SLC4A4: variants seen among roughly 807,000 people sequenced by gnomAD.
The protein encoded by SLC4A4 is electrogenic sodium bicarbonate cotransporter 1.
A neutral mutation model predicts 111.5 loss-of-function variants in SLC4A4; 27 were observed. The ratio of observed to expected loss-of-function variants is 0.24; its 90% confidence interval spans 0.18 to 0.33. The LOEUF is 0.33. Among genes scored for constraint, SLC4A4 ranks in the 10% least tolerant of loss-of-function variants. The pLI, the probability that SLC4A4 is intolerant of heterozygous loss-of-function variation, is 1.00. For synonymous variants in SLC4A4, 443 were observed against 463.4 expected (o/e 0.96, Z 0.57); for missense variants, 909 against 1,315.5 (o/e 0.69, Z 4.78).
chr4:71,487,922 C>A (rs149205918), intron 15 of SLC4A4, among the ~76,000 whole-genome samples: 143 of 151,554 alleles, frequency 9.4e-4, no homozygotes, highest in Non-Finnish European at 1.7e-3. Flanking sequence ...CTCAAACTTA[C>A]TTCTCTATTT....
intron 23 of SLC4A4, among the ~76,000 whole-genome samples, chr4:71,562,905 G>A (rs1487286052): frequency 1.3e-5 from 2 of 151,360 alleles, no homozygotes; most frequent in African/African-American, 4.8e-5. Flanking sequence ...TAGGCTTTAT[G>A]TTAAGATTTT....
At chr4:71,522,579 G>C (rs1733051146) in intron 16 of SLC4A4, among the ~76,000 whole-genome samples, 1 of 152,190 alleles carries the variant, frequency 6.6e-6, no homozygotes, top group African/African-American at 2.4e-5. Context: ...CAAAATTATT[G>C]ATACTTTGAT....
intron 2 of SLC4A4, among the ~76,000 whole-genome samples, chr4:71,120,743 CTGT>C (rs1743389791): frequency 6.6e-6 from 1 of 152,200 alleles, no homozygotes; most frequent in African/African-American, 2.4e-5. Context: ...TGGCGGGTGC[CTGT>C]AATCCCAGTG....
chr4:71,308,559 G>A (rs1725877737), intron 3 of SLC4A4, among the ~76,000 whole-genome samples: 1 of 152,144 alleles, frequency 6.6e-6, no homozygotes, highest in African/African-American at 2.4e-5. Context: ...GACAGGGGGT[G>A]CAGCCCATGG....
intron 3 of SLC4A4, among the ~76,000 whole-genome samples, chr4:71,291,446 A>AT (rs925663152): frequency 0.01 from 1,488 of 148,346 alleles, 11 homozygotes; most frequent in Non-Finnish European, 0.014. Context: ...TTCATGCATG[A>AT]TTTTTTTTTT....
intron 16 of SLC4A4, among the ~76,000 whole-genome samples, chr4:71,530,317 G>C (rs1172994862): frequency 6.6e-6 from 1 of 152,040 alleles, no homozygotes; most frequent in South Asian, 2.1e-4. Context: ...GCACTTTCAT[G>C]GCTTTTCTTA....
At chr4:71,423,247 A>T (rs1005735429) in intron 7 of SLC4A4, among the ~76,000 whole-genome samples, 5 of 152,222 alleles carry the variant, frequency 3.3e-5, no homozygotes, top group African/African-American at 4.8e-5. Flanking sequence ...AATTGCTTCA[A>T]AGAGAATAAA....
intron 1 of SLC4A4, among the ~76,000 whole-genome samples, chr4:71,231,805 T>C (rs1268273439): frequency 1.3e-5 from 2 of 152,174 alleles, no homozygotes; most frequent in African/African-American, 4.8e-5. Flanking sequence ...GAGGGCCTGA[T>C]TAAGGACTGG....
intron 21 of SLC4A4, among the ~76,000 whole-genome samples, chr4:71,555,450 C>A (rs1036672322): frequency 6.6e-6 from 1 of 151,810 alleles, no homozygotes; most frequent in Non-Finnish European, 1.5e-5. Context: ...GTCATTTAAC[C>A]AAGAAAGCAA....
intron 16 of SLC4A4, among the ~76,000 whole-genome samples, chr4:71,525,212 C>A (rs962048093): frequency 1.3e-5 from 2 of 152,048 alleles, no homozygotes; most frequent in Admixed American, 1.3e-4. Context: ...CTTTTCCATC[C>A]ACTTAATTTC....
At chr4:71,439,468 A>AAAAAAAAAAAAAAAAAAAAG (rs1560509648) in intron 7 of SLC4A4, among the ~76,000 whole-genome samples, 2 of 138,426 alleles carry the variant, frequency 1.4e-5, no homozygotes, top group Non-Finnish European at 3.2e-5. Context: ...AAAAAAAAAA[A>AAAAAAAAAAAAAAAAAAAAG]AAAGAAAAGA....
chr4:71,460,865 A>T (rs1162879341), intron 12 of SLC4A4, among the ~76,000 whole-genome samples: 3 of 152,118 alleles, frequency 2.0e-5, no homozygotes, highest in African/African-American at 7.2e-5. Context: ...GGAAATAAAG[A>T]ATCAGTATTT....
At chr4:71,113,541 A>C (rs1309161037) in intron 2 of SLC4A4, among the ~76,000 whole-genome samples, 3 of 152,162 alleles carry the variant, frequency 2.0e-5, no homozygotes, top group Non-Finnish European at 4.4e-5. Flanking sequence ...CTGATAATTA[A>C]ATTACATTCT....
chr4:71,287,400 G>A (rs897543032), intron 3 of SLC4A4, among the ~76,000 whole-genome samples: 2 of 152,222 alleles, frequency 1.3e-5, no homozygotes, highest in African/African-American at 4.8e-5. Flanking sequence ...CATACATTCT[G>A]ATAATGTTAG....
chr4:71,514,470 T>A (rs1196615744), intron 16 of SLC4A4, among the ~76,000 whole-genome samples: 1 of 152,212 alleles, frequency 6.6e-6, no homozygotes, highest in Non-Finnish European at 1.5e-5. Context: ...TTCTTTTCTT[T>A]ATAAATTACC....
chr4:71,455,347 CCTCATTTGTAAGACAAAA>C (rs2149082905), intron 12 of SLC4A4, among the ~76,000 whole-genome samples: 1 of 152,216 alleles, frequency 6.6e-6, no homozygotes, highest in East Asian at 1.9e-4. Context: ...TCTCCTTTTC[CCTCATTTGTAAGACAAAA>C]CTGAATACAT....
intron 3 of SLC4A4, among the ~76,000 whole-genome samples, chr4:71,311,887 CTG>C (rs201248851): frequency 0.15 from 3,968 of 26,364 alleles, 197 homozygotes; most frequent in Admixed American, 0.38. Flanking sequence ...ATGTGCAAGG[CTG>C]TGAGAGAGAG....
intron 2 of SLC4A4, among the ~76,000 whole-genome samples, chr4:71,158,977 C>G (rs1477782073): frequency 6.6e-6 from 1 of 152,026 alleles, no homozygotes; most frequent in Non-Finnish European, 1.5e-5. Flanking sequence ...GTGGATTTCG[C>G]AGTACTTCAT....
At chr4:71,515,810 A>T (rs1278449640) in intron 16 of SLC4A4, among the ~76,000 whole-genome samples, 1 of 152,034 alleles carries the variant, frequency 6.6e-6, no homozygotes. Flanking sequence ...TTTCATTTGC[A>T]TGGAATATCT....
Sources: gnomAD v4.1 joint callset for allele counts (sites outside exome capture counted in the v4.1 genomes callset) on GRCh38, gnomAD v4.1.1 for gene constraint, MANE v1.5 for transcripts, NCBI Gene and HGNC (gene_info 2026-07-23, HGNC 2026-07-21) for gene names.